Variants in SLC35D1 observed in about 807,000 individuals in gnomAD.
The protein encoded by SLC35D1 is solute carrier family 35 member D1.
SLC35D1 carries 31 observed loss-of-function variants against 46.7 expected under a neutral mutation model. That is an observed-to-expected ratio of 0.66 (90% CI 0.50 to 0.90). The LOEUF is 0.90. Among genes scored for constraint, SLC35D1 ranks in the 40% least tolerant of loss-of-function variants. The probability of loss-of-function intolerance (pLI) is 0.00; values close to 1 mark genes in which losing one functional copy is unlikely to be tolerated. For missense variants in SLC35D1, 397 were observed against 426.2 expected (o/e 0.93, Z 0.60); for synonymous variants, 195 against 164.6 (o/e 1.18, Z -1.41).
chr1:66,981,273 ATTTAGTTAGCATC>A, the SLC35D1 span, among the ~76,000 whole-genome samples: 1 of 152,212 alleles, frequency 6.6e-6, no homozygotes, highest in Non-Finnish European at 1.5e-5. Flanking sequence ...AATCCCAGGA[ATTTAGTTAGCATC>A]TTATAGCTCA....
the SLC35D1 span, among the ~76,000 whole-genome samples, chr1:66,981,025 A>G: frequency 6.6e-6 from 1 of 152,162 alleles, no homozygotes; most frequent in African/African-American, 2.4e-5. Flanking sequence ...CTAGTGGTTT[A>G]GTAGCACTTT....
chr1:67,041,850 G>A (rs999077432), intron 8 of SLC35D1, among the ~76,000 whole-genome samples: 1 of 152,054 alleles, frequency 6.6e-6, no homozygotes, highest in African/African-American at 2.4e-5. Context: ...TTCTAGCAAT[G>A]CCTAGCATTT....
intron 6 of SLC35D1, among the ~76,000 whole-genome samples, chr1:67,048,487 T>C (rs909069771): frequency 1.3e-5 from 2 of 152,252 alleles, no homozygotes; most frequent in African/African-American, 2.4e-5. Flanking sequence ...GTTAGCTATA[T>C]AGCCAATTTC....
At chr1:66,984,715 A>AC in the SLC35D1 span, 1 of 1,614,044 alleles carries the variant, frequency 6.2e-7, no homozygotes, top group South Asian at 1.1e-5. Flanking sequence ...AGATAACCTT[A>AC]CCACTGACCC....
At chr1:66,979,435 A>G in the SLC35D1 span, among the ~76,000 whole-genome samples, 2 of 152,324 alleles carry the variant, frequency 1.3e-5, no homozygotes, top group Admixed American at 1.3e-4. Context: ...TTCTGCCTAC[A>G]AACAGCCTTT....
At chr1:67,035,351 A>G (rs1298638027) in intron 8 of SLC35D1, among the ~76,000 whole-genome samples, 1 of 152,056 alleles carries the variant, frequency 6.6e-6, no homozygotes, top group East Asian at 1.9e-4. Flanking sequence ...GAGAGTTTTT[A>G]TTACAGCTTT....
In SLC35D1 at chr1:67,052,004, A is replaced by G. The variant is rs894404087; in HGVS notation, c.392+8T>C. 1.7e-5 allele frequency: 27 copies of G among 1,573,774 alleles called. No homozygotes were observed. The highest frequency in any genetic ancestry group is 2.2e-5 in the Non-Finnish European group (25 of 1,143,634). ...TTAACCTCACTAGTAAAATAAAGTT[A>G]TCCATACTTCAGTTTCTTTGTGCTG... On this transcript the variant is annotated splice_region_variant and intron_variant, in intron 4 of 11. Coordinates refer to ENST00000235345, the MANE Select transcript of SLC35D1 (RefSeq NM_015139.3).
chr1:67,042,620 G>GA (rs1270637326), intron 7 of SLC35D1, among the ~76,000 whole-genome samples: 2 of 152,058 alleles, frequency 1.3e-5, no homozygotes. Flanking sequence ...ATAGCAAGTA[G>GA]AAAAGAGGTT....
At chr1:66,977,056 A>G in the SLC35D1 span, among the ~76,000 whole-genome samples, 3 of 152,168 alleles carry the variant, frequency 2.0e-5, no homozygotes, top group African/African-American at 7.2e-5. Context: ...CAGCTGTGAA[A>G]GCATGTTTTT....
chr1:66,979,204 A>G, the SLC35D1 span, among the ~76,000 whole-genome samples: 1 of 152,242 alleles, frequency 6.6e-6, no homozygotes, highest in South Asian at 2.1e-4. Flanking sequence ...ACCAAACTAC[A>G]TTTCTTTCCA....
rs1462951324 is a variant in SLC35D1, at chr1:67,053,879, G to A, written c.135C>T (p.Ala45=). ...AGGAGCTCACGCCGTAAAAGCCGGCGGCCAGCAGCTTCAGAAACACGGTCA... is the reference window on the plus strand; with the variant it reads ...AGGAGCTCACGCCGTAAAAGCCGGCAGCCAGCAGCTTCAGAAACACGGTCA... ...ETLTVFLKLL[A]AGFYGVSSFL... Residue 45 remains alanine (A), a synonymous_variant, in exon 1 of 12, where the codon GCC becomes GCT. Coordinates refer to ENST00000235345, the MANE Select transcript of SLC35D1 (RefSeq NM_015139.3). The A allele has an allele frequency of 3.7e-6, 6 of 1,613,684 alleles. No homozygotes were observed. Among genetic ancestry groups the A allele is most frequent in the South Asian group, 3.3e-5 (3 of 91,072 alleles).
chr1:67,049,740 A>G, intron 6 of SLC35D1, 42 bp downstream of exon 6: 1 of 1,527,010 alleles, frequency 6.5e-7, no homozygotes, highest in Non-Finnish European at 9.1e-7. Flanking sequence ...ATCAATAATT[A>G]TTGACAATTT....
At chr1:66,987,760 C>T in the SLC35D1 span, 1 of 148,086 alleles carries the variant, frequency 6.8e-6, no homozygotes, top group Non-Finnish European at 1.5e-5. Context: ...ATTGACAAGG[C>T]AAATATATAT....
chr1:66,975,547 G>C, the SLC35D1 span, among the ~76,000 whole-genome samples: 1 of 149,022 alleles, frequency 6.7e-6, no homozygotes, highest in Non-Finnish European at 1.5e-5. Flanking sequence ...AAAAAGAAAG[G>C]AAAAAAGTTA....
intron 10 of SLC35D1, among the ~76,000 whole-genome samples, chr1:67,019,731 A>T (rs1465145360): frequency 6.6e-6 from 1 of 152,244 alleles, no homozygotes; most frequent in African/African-American, 2.4e-5. Flanking sequence ...GAATTCAGAC[A>T]AGCTGTGGCC....
chr1:67,045,353 T>C (rs1402378004), intron 7 of SLC35D1, among the ~76,000 whole-genome samples: 2 of 152,238 alleles, frequency 1.3e-5, no homozygotes, highest in African/African-American at 2.4e-5. Flanking sequence ...TATGTTTATG[T>C]ATTATGTTCT....
At chr1:66,998,677 C>T (rs1455370356), downstream of SLC35D1, among the ~76,000 whole-genome samples, 2 of 152,164 alleles carry the variant, frequency 1.3e-5, no homozygotes, top group African/African-American at 4.8e-5. Context: ...GAAATTCTGA[C>T]ATATGTTACA....
the SLC35D1 span, chr1:66,985,037 G>A: frequency 1.5e-6 from 2 of 1,377,500 alleles, no homozygotes; most frequent in East Asian, 2.7e-5. Context: ...TAGGAAATGA[G>A]GTTTCATAAT....
At chr1:67,029,670 T>C (rs1029892269) in intron 8 of SLC35D1, among the ~76,000 whole-genome samples, 2 of 152,204 alleles carry the variant, frequency 1.3e-5, no homozygotes, top group Admixed American at 1.3e-4. Flanking sequence ...TTGCTTTTGT[T>C]TTAATCCCTG....
Sources: gnomAD v4.1 joint callset for allele counts (sites outside exome capture counted in the v4.1 genomes callset) on GRCh38, gnomAD v4.1.1 for gene constraint, MANE v1.5 for transcripts, NCBI Gene and HGNC (gene_info 2026-07-23, HGNC 2026-07-21) for gene names.